The following TAFA5 variants were observed in gnomAD, a reference collection of about 807,000 sequenced individuals.
TAFA5 encodes chemokine-like protein TAFA-5.
Under a neutral mutation model 15.3 loss-of-function variants are expected in TAFA5, and 6 were observed. The ratio of observed to expected loss-of-function variants is 0.39; its 90% CI spans 0.21 to 0.77. The LOEUF is 0.77. TAFA5 is among the 30% of genes least tolerant of loss of function. TAFA5 has a pLI of 0.41. For synonymous variants in TAFA5, 103 were observed against 80.7 expected, an observed-to-expected ratio of 1.28 and a Z score of -1.48; for missense variants, 161 against 193.1, an observed-to-expected ratio of 0.83 and a Z score of 0.98.
At position 48,566,112 on chromosome 22, in the gene TAFA5, AGAT is replaced by A. The variant is rs1000393457; in HGVS notation, c.112+76413_112+76415del. Among the ~76,000 whole-genome samples the A allele has an allele frequency of 6.6e-6, 1 of 151,088 alleles. No homozygotes were observed. Among genetic ancestry groups the A allele is most frequent in the African/African-American group, 2.4e-5 (1 of 40,996 alleles). ...GAATGATAGGTGGATATGGATAGAT[AGAT>A]GATGGATGGATGGATGATGAATGGA... On this transcript the variant is annotated intron_variant, in intron 1 of 3. Transcript: ENST00000402357. This position sits in a 1 kb window ranked among gnomAD's most constrained non-coding sequence, Gnocchi z 4.5.
At chr22:48,533,858 G>A (rs1250334382) in intron 1 of TAFA5, among the ~76,000 whole-genome samples, 4 of 152,172 alleles carry the variant, frequency 2.6e-5, no homozygotes, top group Non-Finnish European at 4.4e-5. Flanking sequence ...AGCAGCAGCC[G>A]TGTGGCTGGA....
At chr22:48,744,443 C>T (rs942294893) in intron 3 of TAFA5, among the ~76,000 whole-genome samples, 1 of 152,182 alleles carries the variant, frequency 6.6e-6, no homozygotes, top group Non-Finnish European at 1.5e-5. Context: ...GGCCTGGAGG[C>T]ATCGATACCT....
chr22:48,686,063 G>A (rs1390968964), intron 2 of TAFA5, among the ~76,000 whole-genome samples: 2 of 152,022 alleles, frequency 1.3e-5, no homozygotes, highest in East Asian at 1.9e-4. Context: ...GAGTTGGAAG[G>A]GGTGCTGAGT....
intron 1 of TAFA5, chr22:48,576,614 C>A: frequency 7.4e-7 from 1 of 1,354,758 alleles, no homozygotes; most frequent in Non-Finnish European, 9.6e-7. Context: ...CGCGCTCTGC[C>A]CGGCTCGCGG....
intron 1 of TAFA5, among the ~76,000 whole-genome samples, chr22:48,636,505 T>C (rs2147193850): frequency 1.4e-5 from 1 of 70,192 alleles, no homozygotes; most frequent in South Asian, 5.0e-4. Context: ...GACTAAACAT[T>C]AGGCACTTAA....
At chr22:48,710,802 G>A (rs1440470864) in intron 3 of TAFA5, among the ~76,000 whole-genome samples, 1 of 152,208 alleles carries the variant, frequency 6.6e-6, no homozygotes, top group African/African-American at 2.4e-5. Flanking sequence ...CAGAGAGCCT[G>A]GGGGAGATGG....
At chr22:48,570,166 C>A (rs1232684564) in intron 1 of TAFA5, among the ~76,000 whole-genome samples, 1 of 152,230 alleles carries the variant, frequency 6.6e-6, no homozygotes, top group Non-Finnish European at 1.5e-5. Context: ...AACATCATGA[C>A]CTCCTCCCTG....
intron 1 of TAFA5, among the ~76,000 whole-genome samples, chr22:48,580,062 C>T (rs569312569): frequency 5.9e-5 from 9 of 152,214 alleles, no homozygotes; most frequent in Non-Finnish European, 1.3e-4. Context: ...CCAGCGGCCG[C>T]GGCACGGTGT....
At chr22:48,583,759 C>T (rs1247354066) in intron 1 of TAFA5, among the ~76,000 whole-genome samples, 1 of 18,710 alleles carries the variant, frequency 5.3e-5, no homozygotes, top group East Asian at 1.2e-3. Context: ...ACACACAGTA[C>T]ACGCCACAGA....
At chr22:48,739,919 C>T (rs1407361818) in intron 3 of TAFA5, among the ~76,000 whole-genome samples, 4 of 152,294 alleles carry the variant, frequency 2.6e-5, no homozygotes, top group Non-Finnish European at 4.4e-5. Context: ...GCCGTCAGGA[C>T]GTTGAGTCAG....
chr22:48,630,555 T>C (rs1926184003), intron 1 of TAFA5, among the ~76,000 whole-genome samples: 1 of 152,182 alleles, frequency 6.6e-6, no homozygotes, highest in South Asian at 2.1e-4. Flanking sequence ...TGGCCACGCC[T>C]TCTTACTACA....
At chr22:48,646,132 G>C (rs901860115) in intron 1 of TAFA5, among the ~76,000 whole-genome samples, 26 of 152,140 alleles carry the variant, frequency 1.7e-4, no homozygotes, top group Admixed American at 1.3e-4. Flanking sequence ...CTGAGCGGGG[G>C]TCTGACCTAT....
intron 1 of TAFA5, among the ~76,000 whole-genome samples, chr22:48,613,101 G>A (rs542681517): frequency 2.0e-5 from 3 of 152,156 alleles, no homozygotes; most frequent in Non-Finnish European, 4.4e-5. Context: ...ATTTCCAGAC[G>A]GTTCCTGTGC....
chr22:48,626,394 G>C (rs550041580), intron 1 of TAFA5, among the ~76,000 whole-genome samples: 1 of 152,318 alleles, frequency 6.6e-6, no homozygotes, highest in East Asian at 1.9e-4. Flanking sequence ...CATTCTGGGA[G>C]GTGTATGGCC....
At chr22:48,713,391 G>C (rs1360822810) in intron 3 of TAFA5, among the ~76,000 whole-genome samples, 1 of 152,210 alleles carries the variant, frequency 6.6e-6, no homozygotes, top group Non-Finnish European at 1.5e-5. Context: ...GTTGGATATG[G>C]ACAAGAGGAC....
chr22:48,527,024 A>C (rs1307366073), intron 1 of TAFA5, among the ~76,000 whole-genome samples: 1 of 152,186 alleles, frequency 6.6e-6, no homozygotes, highest in African/African-American at 2.4e-5. Context: ...CTATAACTTT[A>C]ATTTTTCCAT....
chr22:48,585,852 C>A (rs771870246), intron 1 of TAFA5, among the ~76,000 whole-genome samples: 2 of 152,022 alleles, frequency 1.3e-5, no homozygotes, highest in Non-Finnish European at 2.9e-5. Context: ...CATGCCAAGA[C>A]ACACACACAC....
rs1921925876 is a variant in TAFA5, at chr22:48,530,179, G to C, written c.112+40475G>C. Among the ~76,000 whole-genome samples, 1 of 152,144 alleles carries C rather than the reference G, an allele frequency of 6.6e-6. No individual in the cohort carries two copies. The highest frequency in any genetic ancestry group is 2.1e-4 in the South Asian group (1 of 4,834). On this transcript the variant is annotated intron_variant, in intron 1 of 3. Coordinates refer to ENST00000402357, the MANE Select transcript of TAFA5 (RefSeq NM_001082967.3). This position sits in a 1 kb window ranked among gnomAD's most constrained non-coding sequence, Gnocchi z 6.0. Reference sequence around the variant, plus strand: ...GGCGACTCGAGGAGGAGGAGGCTGGGCCTGCATCACCTCCATTTTTGCATG... The same window carrying C: ...GGCGACTCGAGGAGGAGGAGGCTGGCCCTGCATCACCTCCATTTTTGCATG...
intron 3 of TAFA5, among the ~76,000 whole-genome samples, chr22:48,723,677 G>A (rs1371792143): frequency 5.9e-5 from 9 of 152,236 alleles, no homozygotes; most frequent in Admixed American, 5.9e-4. Context: ...CCTTGTGGAA[G>A]TCAGTTTATC....
Sources: gnomAD v4.1 joint callset for allele counts (sites outside exome capture counted in the v4.1 genomes callset) on GRCh38, gnomAD v4.1.1 for gene constraint, Gnocchi (gnomAD v3.1) non-coding constraint, MANE v1.5 for transcripts, NCBI Gene and HGNC (gene_info 2026-07-23, HGNC 2026-07-21) for gene names.